The following METTL13 variants were observed in gnomAD, a reference collection of about 807,000 sequenced individuals.
The protein encoded by METTL13 is methyltransferase 13, eEF1A N-terminus and K55, also known as eEF1A lysine and N-terminal methyltransferase.
Under a neutral mutation model 67.4 loss-of-function variants are expected in METTL13, and 52 were observed. That is an observed-to-expected ratio of 0.77 (90% CI 0.62 to 0.97). The LOEUF is 0.97. METTL13 is among the 50% of genes least tolerant of loss of function. The pLI is 0.00. For synonymous variants in METTL13, 354 were observed against 353.6 expected (o/e 1.00, Z -0.01); for missense variants, 825 against 889.6 (o/e 0.93, Z 0.92).
chr1:171,785,984 G>A lies in METTL13; in HGVS notation c.1019G>A (p.Arg340Gln), dbSNP rs759889502. 16 of 1,613,890 alleles carry A rather than the reference G, an allele frequency of 9.9e-6. No individual in the cohort carries two copies. Among genetic ancestry groups the A allele is most frequent in the South Asian group, 5.5e-5 (5 of 91,024 alleles). ...FRRLITVALH[R>Q]GQQYESMDHI... ...AGGTTGATTACAGTGGCCCTTCACC[G>A]AGGTCAGCAGTATGAAAGCATGGAC... is the stretch of plus-strand genomic sequence containing the variant. The change falls in exon 3 of 8, where the codon CGA (arginine) becomes CAA (glutamine). Residue 340 changes from arginine (R) to glutamine (Q), a missense_variant. By Grantham distance (43) the Arg-to-Gln change is conservative. Transcript: ENST00000361735.
At chr1:171,789,572 G>C (rs1657132996) in intron 4 of METTL13, among the ~76,000 whole-genome samples, 1 of 152,070 alleles carries the variant, frequency 6.6e-6, no homozygotes, top group Admixed American at 6.5e-5. Flanking sequence ...GCCAAGAATT[G>C]GAATGATAAG....
intron 5 of METTL13, among the ~76,000 whole-genome samples, chr1:171,791,542 C>G (rs35631282): frequency 6.6e-6 from 1 of 151,840 alleles, no homozygotes; most frequent in Non-Finnish European, 1.5e-5. Context: ...GTGGTATGAT[C>G]GCAGCTTACT....
rs750782671 is a variant in METTL13 at position 171,781,924 on chromosome 1, A to G, written c.-44A>G. The G allele has an allele frequency of 5.6e-6, 9 of 1,609,184 alleles. No homozygotes were observed. In the South Asian group the frequency reaches 8.8e-5, roughly 16 times the overall value. The stretch of plus-strand genomic sequence containing the variant: ...GCAAGCTCCTCAAATGGTATCTCAC[A>G]GGGAATAGGGGAGTCTTGAAAACGC... On this transcript the variant is annotated 5_prime_UTR_variant, in exon 1 of 8. Coordinates refer to ENST00000361735, the MANE Select transcript of METTL13 (RefSeq NM_015935.5).
intron 1 of METTL13, among the ~76,000 whole-genome samples, chr1:171,783,103 T>C (rs1656881744): frequency 6.7e-6 from 1 of 149,808 alleles, no homozygotes; most frequent in Non-Finnish European, 1.5e-5. Flanking sequence ...CAGGTGGTCA[T>C]GTGGGGATTT....
chr1:171,784,647 T>A, intron 2 of METTL13, 148 bp downstream of exon 2: 1 of 1,053,574 alleles, frequency 9.5e-7, no homozygotes, highest in Admixed American at 3.6e-5. Context: ...TTCCAGAGGA[T>A]TAGACTACCC....
At chr1:171,788,298 G>A (rs915700981) in intron 4 of METTL13, among the ~76,000 whole-genome samples, 1 of 152,208 alleles carries the variant, frequency 6.6e-6, no homozygotes, top group African/African-American at 2.4e-5. Context: ...TGACTCACCT[G>A]TTTCAGAGGG....
intron 3 of METTL13, among the ~76,000 whole-genome samples, chr1:171,787,004 A>G (rs546703401): frequency 2.4e-4 from 36 of 152,166 alleles, no homozygotes; most frequent in Non-Finnish European, 3.8e-4. Flanking sequence ...TTTGCCCACT[A>G]GGCTGACTCG....
In METTL13 at chr1:171,781,997, GT is replaced by G. The variant is rs1454505559; in HGVS notation, c.33del (p.Phe11LeufsTer44). MNLLPKSSRE[F>X]GSVDYWEKFF... is the part of the protein sequence containing the mutation. ...ACCTCTTACCTAAAAGTTCCAGGGA[GT>G]TTGGCTCCGTTGACTATTGGGAGAA... On this transcript the variant is annotated frameshift_variant, in exon 1 of 8. Transcript: ENST00000361735. LOFTEE classifies it high-confidence loss of function. 2 of 1,614,174 alleles carry G rather than the reference GT, an allele frequency of 1.2e-6. No homozygotes were observed. The highest frequency in any genetic ancestry group is 1.7e-6 in the Non-Finnish European group (2 of 1,180,028).
At position 171,784,032 on chromosome 1, in the gene METTL13, T is replaced by C; in HGVS notation, c.446T>C (p.Val149Ala). ...VDRMLAEVGR[V>A]LQVGGRYLCI... ...AGGATGCTGGCTGAGGTTGGCCGTG[T>C]CCTGCAGGTGGGCGGTCGCTATCTC... is the stretch of plus-strand genomic sequence containing the variant. The change falls in exon 2 of 8, where the codon GTC (valine) becomes GCC (alanine). Residue 149 changes from valine to alanine, a missense_variant. Coordinates refer to ENST00000361735, the MANE Select transcript of METTL13 (RefSeq NM_015935.5). The C allele has an allele frequency of 6.2e-7, 1 of 1,614,186 alleles. No homozygotes were observed. The highest frequency in any genetic ancestry group is 8.5e-7 in the Non-Finnish European group (1 of 1,180,026).
intron 4 of METTL13, 76 bp from the exon 5 acceptor site, chr1:171,790,376 G>C (rs1400224944): frequency 7.2e-7 from 1 of 1,387,088 alleles, no homozygotes. Flanking sequence ...AAGCCATCTG[G>C]AGCACACTGC....
rs756024172 is a variant in METTL13 at position 171,784,188 on chromosome 1, C to G, written c.602C>G (p.Ser201Cys). Residue 201 changes from serine (S) to cysteine (C), a missense_variant, in exon 2 of 8, where the codon TCC (serine) becomes TGC (cysteine). Transcript: ENST00000361735. ...GTGTTGGAAGCAGAGCCTCAGTTCT[C>G]CTTGCCTGTCTTTGCCTTCATCATG... ...DQVLEAEPQF[S>C]LPVFAFIMTK... 3.1e-6 allele frequency: 5 copies of G among 1,614,198 alleles called. No individual in the cohort carries two copies. In the South Asian group the frequency reaches 5.5e-5, roughly 18 times the overall value.
chr1:171,790,447 T>G lies in METTL13; in HGVS notation c.1310-5T>G. On this transcript the variant is annotated splice_polypyrimidine_tract_variant and splice_region_variant and intron_variant, in intron 4 of 7. Transcript: ENST00000361735. The stretch of plus-strand genomic sequence containing the variant: ...TAAGCATAGGGCTTCATATCTCTTG[T>G]TTAGCCCAGAAGAAGCGGAAAAAGG... The G allele has an allele frequency of 1.3e-6, 2 of 1,583,614 alleles. No individual in the cohort carries two copies. The highest frequency in any genetic ancestry group is 1.7e-6 in the Non-Finnish European group (2 of 1,167,874).
In METTL13 at chr1:171,788,516, C is replaced by T. The variant is rs192234560; in HGVS notation, c.1309+586C>T. Among the ~76,000 whole-genome samples the T allele has an allele frequency of 3.4e-3, 511 of 152,264 alleles. 4 individuals are homozygous for T. The highest frequency in any genetic ancestry group is 0.012 in the African/African-American group (488 of 41,534). ...TAATTAATTTACATTTATATTTCAA[C>T]AGCCATAGGGGGCTAGTGGCTAGTA... On this transcript the variant is annotated intron_variant, in intron 4 of 7. Coordinates refer to ENST00000361735, the MANE Select transcript of METTL13 (RefSeq NM_015935.5).
chr1:171,782,209 G>A (rs1477534176), intron 1 of METTL13, 89 bp downstream of exon 1: 7 of 1,124,316 alleles, frequency 6.2e-6, no homozygotes, highest in African/African-American at 3.1e-5. Context: ...ACAGTGACAG[G>A]CGGGAGGACC....
At position 171,782,036 on chromosome 1, in the gene METTL13, G is replaced by A. The variant is rs1656838762; in HGVS notation, c.69G>A (p.Gln23=). The stretch of plus-strand genomic sequence containing the variant: ...ACTATTGGGAGAAGTTCTTCCAGCA[G>A]CGAGGAAAGAAAGCTTTCGAGTGGT... ...SVDYWEKFFQ[Q]RGKKAFEWYG... Residue 23 remains glutamine, a synonymous_variant, in exon 1 of 8, where the codon CAG becomes CAA. Coordinates refer to ENST00000361735, the MANE Select transcript of METTL13 (RefSeq NM_015935.5). 6.2e-7 allele frequency: 1 copy of A among 1,614,032 alleles called. No homozygotes were observed. The highest frequency in any genetic ancestry group is 8.5e-7 in the Non-Finnish European group (1 of 1,180,042).
intron 1 of METTL13, among the ~76,000 whole-genome samples, chr1:171,783,354 A>C (rs1252283973): frequency 6.6e-6 from 1 of 152,222 alleles, no homozygotes; most frequent in Admixed American, 6.5e-5. Context: ...AGCCAAAGGC[A>C]TGAGTAGAGT....
chr1:171,796,751 G>A lies in METTL13; in HGVS notation c.2095G>A (p.Val699Met). Residue 699 changes from valine (V) to methionine (M), a missense_variant, in exon 8 of 8, where the codon GTG becomes ATG. Transcript: ENST00000361735. ...AGATATGCTCAAGACGGTGAAAATT[G>A]TGTGACTGCTTAGGCCAAGCAGCCC... ...LSDMLKTVKI[V>M] 1.9e-6 allele frequency: 3 copies of A among 1,613,594 alleles called. No homozygotes were observed. The highest frequency in any genetic ancestry group is 2.5e-6 in the Non-Finnish European group (3 of 1,179,706).
chr1:171,789,943 C>T (rs980820580), intron 4 of METTL13, among the ~76,000 whole-genome samples: 1 of 152,136 alleles, frequency 6.6e-6, no homozygotes. Context: ...TAAAGGAATA[C>T]CTGAGACTGG....
chr1:171,781,935 G>T lies in METTL13; in HGVS notation c.-33G>T. The stretch of plus-strand genomic sequence containing the variant: ...AAATGGTATCTCACAGGGAATAGGG[G>T]AGTCTTGAAAACGCAGCTTCGGCAG... On this transcript the variant is annotated 5_prime_UTR_variant, in exon 1 of 8. Coordinates refer to ENST00000361735, the MANE Select transcript of METTL13 (RefSeq NM_015935.5). 1 of 1,613,080 alleles carries T rather than the reference G, an allele frequency of 6.2e-7. No individual in the cohort carries two copies. The highest frequency in any genetic ancestry group is 8.5e-7 in the Non-Finnish European group (1 of 1,179,380).
Sources: gnomAD v4.1 joint callset for allele counts (sites outside exome capture counted in the v4.1 genomes callset) on GRCh38, gnomAD v4.1.1 for gene constraint, MANE v1.5 for transcripts, NCBI Gene and HGNC (gene_info 2026-07-23, HGNC 2026-07-21) for gene names.